AGAP1: variants seen among roughly 807,000 people sequenced by gnomAD.
The protein encoded by AGAP1 is arf-GAP with GTPase, ANK repeat and PH domain-containing protein 1.
In AGAP1, 29 loss-of-function variants were observed where a neutral mutation model predicts 105.3. The ratio of observed to expected loss-of-function variants is 0.28; its 90% CI spans 0.21 to 0.38. The LOEUF (loss-of-function observed/expected upper bound fraction) is 0.38. Ranked by LOEUF, AGAP1 falls within the 10% of genes least tolerant of loss-of-function variation. AGAP1 has a pLI of 1.00. For synonymous variants in AGAP1, 509 were observed against 485.9 expected, an observed-to-expected ratio of 1.05 and a Z score of -0.63; for missense variants, 998 against 1,165.1, an observed-to-expected ratio of 0.86 and a Z score of 2.09.
In AGAP1 at chr2:235,959,641, C is replaced by T. The variant is rs180989380; in HGVS notation, c.1484-8821C>T. On this transcript the variant is annotated intron_variant, in intron 12 of 17. Transcript: ENST00000304032. This position sits in a 1 kb window ranked among gnomAD's most constrained non-coding sequence, Gnocchi z 7.3. ...CCTGCCCGACTTCTGTCTCCTGCCA[C>T]GGCCCCCCTCAATTCACATCCTAAT... 1.1e-3 allele frequency among the ~76,000 whole-genome samples: 165 copies of T among 152,200 alleles called. 1 individual carries two copies. The highest frequency in any genetic ancestry group is 2.1e-3 in the Non-Finnish European group (143 of 68,010).
intron 16 of AGAP1, among the ~76,000 whole-genome samples, chr2:236,118,387 C>CTTTTTTTTTTTTTTTTTTTTT (rs529993131): frequency 2.6e-5 from 3 of 116,290 alleles, no homozygotes; most frequent in Non-Finnish European, 3.7e-5. Flanking sequence ...TTTTCTTTTT[C>CTTTTTTTTTTTTTTTTTTTTT]TTTTTTTTTT....
rs1168559163 is a variant in AGAP1, at chr2:236,038,101, A to G, written c.1800+1386A>G. Among the ~76,000 whole-genome samples the G allele has an allele frequency of 1.3e-5, 2 of 152,198 alleles. No individual in the cohort carries two copies. The highest frequency in any genetic ancestry group is 6.5e-5 in the Admixed American group (1 of 15,286). ...TGCTTCCCTTTTTAAAAGATGTTTT[A>G]TACTCAAGGTGGGGAGAACCACTGC... On this transcript the variant is annotated intron_variant, in intron 14 of 17. Transcript: ENST00000304032. This position sits in a 1 kb window ranked among gnomAD's most constrained non-coding sequence, Gnocchi z 4.5.
chr2:235,938,776 G>A (rs1045093528), intron 12 of AGAP1, among the ~76,000 whole-genome samples: 3 of 152,148 alleles, frequency 2.0e-5, no homozygotes, highest in Non-Finnish European at 4.4e-5. Flanking sequence ...GCGGAGGGCC[G>A]AGATGGGGAG....
At chr2:235,697,060 T>C (rs1559363939) in intron 1 of AGAP1, among the ~76,000 whole-genome samples, 1 of 152,212 alleles carries the variant, frequency 6.6e-6, no homozygotes, top group East Asian at 1.9e-4. Flanking sequence ...TAGCTGAACC[T>C]TCCCCTTAGG....
chr2:235,852,539 AAGTT>A (rs766205516), intron 9 of AGAP1: 54 of 704,696 alleles, frequency 7.7e-5, no homozygotes, highest in African/African-American at 1.3e-4. Context: ...GTGCGAGAGA[AAGTT>A]AGCCGTCAGT....
intron 9 of AGAP1, among the ~76,000 whole-genome samples, chr2:235,868,649 A>G (rs4663212): frequency 0.26 from 40,114 of 152,154 alleles, 6,052 homozygotes; most frequent in Admixed American, 0.41. Flanking sequence ...TAATGCAGTC[A>G]ATAAATCTTT....
At chr2:235,775,113 G>A (rs1171211174) in intron 6 of AGAP1, among the ~76,000 whole-genome samples, 3 of 152,226 alleles carry the variant, frequency 2.0e-5, no homozygotes, top group Non-Finnish European at 2.9e-5. Context: ...CTGTCTGCCT[G>A]CAGCCAGCTG....
At chr2:235,786,357 A>C (rs1164338723) in intron 6 of AGAP1, among the ~76,000 whole-genome samples, 1 of 152,252 alleles carries the variant, frequency 6.6e-6, no homozygotes, top group Non-Finnish European at 1.5e-5. Context: ...GTTAACCTGT[A>C]TCATGAGGAG....
chr2:235,938,974 T>A (rs1395082132), intron 12 of AGAP1, among the ~76,000 whole-genome samples: 2 of 152,190 alleles, frequency 1.3e-5, no homozygotes, highest in Non-Finnish European at 2.9e-5. Context: ...AGCAGTGGAA[T>A]GTCCCCCAGG....
At chr2:236,043,511 G>A (rs191330975) in intron 15 of AGAP1, among the ~76,000 whole-genome samples, 1 of 152,320 alleles carries the variant, frequency 6.6e-6, no homozygotes, top group Non-Finnish European at 1.5e-5. Context: ...CGGATCACCT[G>A]AGGTCAGGAG....
At chr2:235,605,476 G>C (rs948388146) in intron 1 of AGAP1, among the ~76,000 whole-genome samples, 1 of 152,140 alleles carries the variant, frequency 6.6e-6, no homozygotes, top group African/African-American at 2.4e-5. Context: ...CCGGCTTGTC[G>C]TGCAGCACGG....
chr2:235,578,404 A>G lies in AGAP1; in HGVS notation c.163+83555A>G, dbSNP rs1046325646. Among the ~76,000 whole-genome samples, 7 of 152,222 alleles carry G rather than the reference A, an allele frequency of 4.6e-5. No individual in the cohort carries two copies. The highest frequency in any genetic ancestry group is 1.7e-4 in the African/African-American group (7 of 41,452). On this transcript the variant is annotated intron_variant, in intron 1 of 17. Transcript: ENST00000304032. This position sits in a 1 kb window ranked among gnomAD's most constrained non-coding sequence, Gnocchi z 4.9. ...AAGACCTTTAAAAATGATGGTAAGC[A>G]TGTGCCAGTGTGAATGTACTTAGTG... is the stretch of plus-strand genomic sequence containing the variant.
At chr2:235,580,619 AGGAG>A (rs1944899871) in intron 1 of AGAP1, among the ~76,000 whole-genome samples, 1 of 152,196 alleles carries the variant, frequency 6.6e-6, no homozygotes, top group Non-Finnish European at 1.5e-5. Flanking sequence ...TTTCATGTAC[AGGAG>A]TTCTTGAAGC....
chr2:235,656,680 G>C (rs1947784392), intron 1 of AGAP1, among the ~76,000 whole-genome samples: 1 of 152,154 alleles, frequency 6.6e-6, no homozygotes, highest in African/African-American at 2.4e-5. Flanking sequence ...GTGAGTCAGG[G>C]ATAAGAACCC....
chr2:235,735,321 C>G (rs764912274), intron 3 of AGAP1, among the ~76,000 whole-genome samples: 2 of 152,156 alleles, frequency 1.3e-5, no homozygotes, highest in South Asian at 4.1e-4. Flanking sequence ...TGGGAAAATT[C>G]AGTTTTCTCT....
chr2:235,658,635 T>G (rs1947849454), intron 1 of AGAP1, among the ~76,000 whole-genome samples: 1 of 152,132 alleles, frequency 6.6e-6, no homozygotes, highest in South Asian at 2.1e-4. Context: ...TGGACAGGGC[T>G]GGGCTTCCCT....
intron 10 of AGAP1, among the ~76,000 whole-genome samples, chr2:235,885,586 A>T (rs1283380894): frequency 6.6e-6 from 1 of 152,178 alleles, no homozygotes; most frequent in Non-Finnish European, 1.5e-5. Context: ...TGTATAAGAG[A>T]GCCTTTTCTC....
chr2:235,869,049 C>G (rs145279532), intron 9 of AGAP1, among the ~76,000 whole-genome samples: 4 of 152,206 alleles, frequency 2.6e-5, no homozygotes, highest in African/African-American at 9.6e-5. Context: ...TCAACATTTG[C>G]CATTTCCAAG....
chr2:235,510,265 C>G (rs1357142197), intron 1 of AGAP1, among the ~76,000 whole-genome samples: 1 of 152,214 alleles, frequency 6.6e-6, no homozygotes, highest in African/African-American at 2.4e-5. Context: ...CGAAACCGGT[C>G]CCTGATGCCA....
Sources: allele counts gnomAD v4.1 joint callset (sites outside exome capture counted in the v4.1 genomes callset), GRCh38; gene constraint gnomAD v4.1.1; non-coding constraint Gnocchi (gnomAD v3.1); transcripts MANE v1.5; gene names NCBI Gene and HGNC (gene_info 2026-07-23, HGNC 2026-07-21).